The following MAPRE2 variants were observed in gnomAD, a reference collection of about 807,000 sequenced individuals.
MAPRE2 encodes microtubule-associated protein RP/EB family member 2.
MAPRE2 carries 13 observed loss-of-function variants against 43.2 expected under a neutral mutation model. That is an observed-to-expected ratio of 0.30 (90% CI 0.20 to 0.48). The LOEUF (loss-of-function observed/expected upper bound fraction) is 0.48, where lower values mean the gene tolerates loss of function less well. MAPRE2 is among the 20% of genes least tolerant of loss of function. The probability of loss-of-function intolerance (pLI) is 0.99; values close to 1 mark genes in which losing one functional copy is unlikely to be tolerated. For synonymous variants in MAPRE2, 135 were observed against 148.8 expected (o/e 0.91, Z 0.68); for missense variants, 161 against 400.2 (o/e 0.40, Z 5.10).
chr18:34,997,447 AG>A (rs1443761807), intron 1 of MAPRE2, among the ~76,000 whole-genome samples: 6 of 152,194 alleles, frequency 3.9e-5, no homozygotes, highest in Non-Finnish European at 8.8e-5. Context: ...AGAGCTCTTC[AG>A]GAAAAAGCAT....
At chr18:35,009,323 T>C (rs1329465520) in intron 2 of MAPRE2, among the ~76,000 whole-genome samples, 1 of 152,134 alleles carries the variant, frequency 6.6e-6, no homozygotes, top group East Asian at 1.9e-4. Context: ...CCAAGTTTTA[T>C]GGTAAAAGCT....
chr18:35,081,121 A>C (rs1603398843), intron 2 of MAPRE2, among the ~76,000 whole-genome samples: 1 of 152,332 alleles, frequency 6.6e-6, no homozygotes, highest in East Asian at 1.9e-4. Flanking sequence ...ATTTTAATGA[A>C]AAGATGTACA....
intron 5 of MAPRE2, among the ~76,000 whole-genome samples, chr18:35,131,321 C>A (rs974317319): frequency 6.6e-6 from 1 of 152,188 alleles, no homozygotes; most frequent in Non-Finnish European, 1.5e-5. Flanking sequence ...TCTCCATTTC[C>A]TGCAGAAGAT....
chr18:35,080,866 T>A lies in MAPRE2; in HGVS notation c.250+10544T>A, dbSNP rs566294162. Among the ~76,000 whole-genome samples, 58 of 152,086 alleles carry A rather than the reference T, an allele frequency of 3.8e-4. 1 individual carries two copies. Among genetic ancestry groups the A allele is most frequent in the African/African-American group, 1.3e-3 (56 of 41,512 alleles). On this transcript the variant is annotated intron_variant, in intron 2 of 6. Transcript: ENST00000300249. The stretch of plus-strand genomic sequence containing the variant: ...TTACGTAATTCTGACAAATAGCAAA[T>A]TACCTGTGTTTGTCCCCTCCCTCCC...
intron 1 of MAPRE2, among the ~76,000 whole-genome samples, chr18:35,059,854 T>G (rs1215986984): frequency 6.6e-6 from 1 of 152,126 alleles, no homozygotes; most frequent in East Asian, 1.9e-4. Flanking sequence ...GCTCTGTCAT[T>G]TGTTTCTTAT....
chr18:35,141,574 G>A lies in MAPRE2; in HGVS notation c.*1205G>A, dbSNP rs1277580230. Reference sequence around the variant, plus strand: ...AAACCATGGCAATTCATAAATAGAGGAAACATTAATGAATTAAAAGCATTC... The same window carrying A: ...AAACCATGGCAATTCATAAATAGAGAAAACATTAATGAATTAAAAGCATTC... On this transcript the variant is annotated 3_prime_UTR_variant, in exon 7 of 7. Coordinates refer to ENST00000300249, the MANE Select transcript of MAPRE2 (RefSeq NM_014268.4). 6.6e-6 allele frequency: 1 copy of A among 152,146 alleles called. No individual in the cohort carries two copies. The highest frequency in any genetic ancestry group is 6.5e-5 in the Admixed American group (1 of 15,278). 9.4% of individuals were successfully genotyped at this position (152,146 alleles called of 1,614,324 possible). A position where few individuals can be genotyped will look rare whatever the true frequency, so the allele number is the denominator to read the frequency against.
chr18:35,112,671 C>T (rs572592913), intron 4 of MAPRE2, among the ~76,000 whole-genome samples: 11 of 152,282 alleles, frequency 7.2e-5, no homozygotes, highest in South Asian at 2.1e-4. Flanking sequence ...CCCCTACTCC[C>T]TGGAAGAAGA....
intron 1 of MAPRE2, among the ~76,000 whole-genome samples, chr18:34,992,758 C>A (rs574587526): frequency 5.9e-4 from 90 of 152,242 alleles, no homozygotes; most frequent in Middle Eastern, 6.8e-3. Context: ...GTTTAAACAT[C>A]CATTTAACAT....
chr18:35,038,309 C>CTG (rs2097051742), upstream of MAPRE2, among the ~76,000 whole-genome samples: 1 of 152,222 alleles, frequency 6.6e-6, no homozygotes, highest in African/African-American at 2.4e-5. Flanking sequence ...ACATGGCATG[C>CTG]TAGCAAAAGA....
intron 5 of MAPRE2, among the ~76,000 whole-genome samples, chr18:35,131,580 C>T (rs1242683858): frequency 6.6e-6 from 1 of 152,128 alleles, no homozygotes; most frequent in Non-Finnish European, 1.5e-5. Flanking sequence ...TTCATAAGGG[C>T]TCTAACCCCA....
intron 1 of MAPRE2, among the ~76,000 whole-genome samples, chr18:35,004,556 T>A (rs1470173753): frequency 6.6e-6 from 1 of 152,216 alleles, no homozygotes; most frequent in Non-Finnish European, 1.5e-5. Context: ...TTGTCCCTCA[T>A]CAGTTTACTG....
chr18:34,993,291 C>A (rs1040906677), intron 1 of MAPRE2, among the ~76,000 whole-genome samples: 1 of 133,550 alleles, frequency 7.5e-6, no homozygotes, highest in African/African-American at 2.9e-5. Context: ...TTAATAGAGG[C>A]AAGGTCATGT....
At chr18:34,981,629 T>C (rs1239471770) in intron 1 of MAPRE2, among the ~76,000 whole-genome samples, 1 of 152,138 alleles carries the variant, frequency 6.6e-6, no homozygotes, top group African/African-American at 2.4e-5. Context: ...ATTGGGTAAA[T>C]GGTATTCCCA....
At chr18:35,106,838 CA>C (rs1255151337) in intron 4 of MAPRE2, among the ~76,000 whole-genome samples, 2 of 151,682 alleles carry the variant, frequency 1.3e-5, no homozygotes, top group Non-Finnish European at 2.9e-5. Flanking sequence ...ATCTACCAAC[CA>C]GGGGCATGTA....
At chr18:34,978,234 G>C in intron 1 of MAPRE2, 1 of 510,324 alleles carries the variant, frequency 2.0e-6, no homozygotes, top group Non-Finnish European at 3.4e-6. Flanking sequence ...AAGAACAAAA[G>C]GAAAATAGTG....
chr18:35,046,116 T>G (rs539316113), intron 1 of MAPRE2, among the ~76,000 whole-genome samples: 2 of 152,224 alleles, frequency 1.3e-5, no homozygotes, highest in Non-Finnish European at 2.9e-5. Context: ...CTCTTGAAGC[T>G]GCAGTGAATA....
chr18:34,998,743 G>A (rs960725636), intron 1 of MAPRE2, among the ~76,000 whole-genome samples: 7 of 147,770 alleles, frequency 4.7e-5, no homozygotes, highest in Non-Finnish European at 8.9e-5. Flanking sequence ...GATTACAGGC[G>A]TGAGCCACTG....
chr18:35,124,605 A>G (rs1171102143), intron 4 of MAPRE2, among the ~76,000 whole-genome samples: 1 of 152,230 alleles, frequency 6.6e-6, no homozygotes, highest in East Asian at 1.9e-4. Context: ...TGCATGGCCC[A>G]TGGCAGGCAC....
At chr18:34,990,408 G>A (rs72950513) in intron 1 of MAPRE2, among the ~76,000 whole-genome samples, 4,281 of 152,272 alleles carry the variant, frequency 0.028, 102 homozygotes, top group Non-Finnish European at 0.036. Flanking sequence ...TGTCTGACAG[G>A]AGAGGGTAAG....
Sources: allele counts gnomAD v4.1 joint callset (sites outside exome capture counted in the v4.1 genomes callset), GRCh38; gene constraint gnomAD v4.1.1; transcripts MANE v1.5; gene names NCBI Gene and HGNC (gene_info 2026-07-23, HGNC 2026-07-21).